Variants in BCAR3 observed in about 807,000 individuals in gnomAD.
The protein encoded by BCAR3 is breast cancer anti-estrogen resistance protein 3.
A neutral mutation model predicts 80.1 loss-of-function variants in BCAR3; 37 were observed. The observed-to-expected ratio is 0.46, with a 90% CI of 0.36 to 0.61. The LOEUF (loss-of-function observed/expected upper bound fraction) is 0.61. Among genes scored for constraint, BCAR3 ranks in the 20% least tolerant of loss-of-function variants. BCAR3 has a pLI of 0.00. For missense variants in BCAR3, 978 were observed against 1,068.2 expected (o/e 0.92, Z 1.18); for synonymous variants, 389 against 418.9 (o/e 0.93, Z 0.87).
chr1:93,702,005 T>C lies in BCAR3; in HGVS notation c.-12+4087A>G, dbSNP rs1051527898. 8.8e-4 allele frequency among the ~76,000 whole-genome samples: 133 copies of C among 151,810 alleles called. 3 individuals are homozygous for C. Among genetic ancestry groups the C allele is most frequent in the Admixed American group, 8.7e-3 (133 of 15,258 alleles). On this transcript the variant is annotated intron_variant, in intron 3 of 13. Coordinates refer to the BCAR3 transcript ENST00000370244. Reference sequence around the variant, plus strand: ...CCATCCAGGAGCCTGTGGCTTGGGGTGGGGTTGGGGGTGGACACAGTGTTC... The same window carrying C: ...CCATCCAGGAGCCTGTGGCTTGGGGCGGGGTTGGGGGTGGACACAGTGTTC...
At chr1:93,597,248 G>A (rs1483042088) in intron 3 of BCAR3, among the ~76,000 whole-genome samples, 1 of 152,180 alleles carries the variant, frequency 6.6e-6, no homozygotes. Flanking sequence ...TTAGCATTGG[G>A]GTCTGAGATG....
At chr1:93,663,054 GTC>G (rs1647738508) in intron 2 of BCAR3, among the ~76,000 whole-genome samples, 1 of 152,128 alleles carries the variant, frequency 6.6e-6, no homozygotes, top group Non-Finnish European at 1.5e-5. Context: ...TGGCATTAGA[GTC>G]TCTTGTCATG....
intron 3 of BCAR3, among the ~76,000 whole-genome samples, chr1:93,701,361 C>T (rs1248554046): frequency 1.3e-5 from 2 of 152,270 alleles, no homozygotes; most frequent in East Asian, 3.9e-4. Flanking sequence ...GGGCAGAGAC[C>T]GGCCACCCCA....
chr1:93,735,474 C>T (rs1238126825), intron 2 of BCAR3, among the ~76,000 whole-genome samples: 1 of 152,178 alleles, frequency 6.6e-6, no homozygotes, highest in African/African-American at 2.4e-5. Flanking sequence ...GAGACCACAT[C>T]CCATATTAAA....
chr1:93,643,684 C>T (rs573108950), intron 2 of BCAR3, among the ~76,000 whole-genome samples: 2 of 150,070 alleles, frequency 1.3e-5, no homozygotes, highest in South Asian at 4.2e-4. Context: ...GCAGCAGATA[C>T]GTAGGATGAA....
intron 2 of BCAR3, among the ~76,000 whole-genome samples, chr1:93,836,603 A>G (rs1571161567): frequency 6.7e-6 from 1 of 149,782 alleles, no homozygotes; most frequent in East Asian, 2.0e-4. Flanking sequence ...TCTCCATACC[A>G]CCCCCCAAAA....
intron 1 of BCAR3, 82 bp from the exon 2 acceptor site, chr1:93,675,023 A>G: frequency 8.8e-7 from 1 of 1,130,684 alleles, no homozygotes; most frequent in Non-Finnish European, 1.2e-6. Flanking sequence ...GGAAATGGAA[A>G]TATGCCACAT....
chr1:93,583,672 A>G (rs905292989), intron 6 of BCAR3, among the ~76,000 whole-genome samples: 13 of 152,158 alleles, frequency 8.5e-5, no homozygotes, highest in African/African-American at 3.1e-4. Flanking sequence ...CTCATTTGTC[A>G]TGAAGACTAC....
intron 2 of BCAR3, among the ~76,000 whole-genome samples, 172 bp from the exon 3 acceptor site, chr1:93,642,515 A>C (rs538235947): frequency 6.6e-6 from 1 of 152,270 alleles, no homozygotes; most frequent in African/African-American, 2.4e-5. Flanking sequence ...TACCACCATG[A>C]CCTCAGTCTA....
At chr1:93,777,414 TTCC>T (rs1285009044) in intron 2 of BCAR3, among the ~76,000 whole-genome samples, 8 of 113,164 alleles carry the variant, frequency 7.1e-5, no homozygotes, top group East Asian at 4.4e-4. Flanking sequence ...CCTCCTCCTC[TTCC>T]TCCTCCTCTT....
At chr1:93,646,674 C>T (rs1316401911) in intron 2 of BCAR3, 1 of 151,870 alleles carries the variant, frequency 6.6e-6, no homozygotes, top group Non-Finnish European at 1.5e-5. Context: ...ATAACATTTG[C>T]CATGAGGGTT....
chr1:93,661,466 G>A (rs971335263), intron 2 of BCAR3, among the ~76,000 whole-genome samples: 1 of 151,236 alleles, frequency 6.6e-6, no homozygotes, highest in Non-Finnish European at 1.5e-5. Context: ...ACAGGGGTGA[G>A]CCACCATACC....
At chr1:93,625,538 T>G (rs1675433121) in intron 3 of BCAR3, among the ~76,000 whole-genome samples, 1 of 152,214 alleles carries the variant, frequency 6.6e-6, no homozygotes, top group Non-Finnish European at 1.5e-5. Context: ...GTTTCCTTAT[T>G]TCTTCTGTAC....
intron 2 of BCAR3, among the ~76,000 whole-genome samples, chr1:93,782,875 A>G (rs1267976940): frequency 6.6e-6 from 1 of 152,230 alleles, no homozygotes; most frequent in Non-Finnish European, 1.5e-5. Flanking sequence ...TGAGAGGATA[A>G]GCCACAGACT....
At chr1:93,818,784 T>C (rs560702482) in intron 2 of BCAR3, among the ~76,000 whole-genome samples, 6 of 152,218 alleles carry the variant, frequency 3.9e-5, no homozygotes, top group East Asian at 1.9e-4. Flanking sequence ...GTAAGTGCTG[T>C]GTAGGAGAGT....
chr1:93,808,359 T>A (rs572814174), intron 2 of BCAR3, among the ~76,000 whole-genome samples: 13 of 152,292 alleles, frequency 8.5e-5, no homozygotes, highest in African/African-American at 2.9e-4. Flanking sequence ...CTATTTTGAG[T>A]AATATAGTAT....
intron 2 of BCAR3, among the ~76,000 whole-genome samples, chr1:93,651,674 C>T (rs2101920056): frequency 6.6e-6 from 1 of 152,260 alleles, no homozygotes; most frequent in East Asian, 1.9e-4. Flanking sequence ...TAGAGGCTCT[C>T]AGGAGTAATG....
intron 3 of BCAR3, among the ~76,000 whole-genome samples, chr1:93,639,932 T>C (rs1403550076): frequency 6.6e-6 from 1 of 152,132 alleles, no homozygotes; most frequent in African/African-American, 2.4e-5. Flanking sequence ...GGAGTCAAAA[T>C]GGATCCTAAA....
chr1:93,646,816 T>C (rs72721068), intron 2 of BCAR3, among the ~76,000 whole-genome samples: 2,039 of 152,310 alleles, frequency 0.013, 36 homozygotes, highest in Non-Finnish European at 0.018. Context: ...GCATAAGTTT[T>C]ATTACTTAAG....
Sources: allele counts gnomAD v4.1 joint callset (sites outside exome capture counted in the v4.1 genomes callset), GRCh38; gene constraint gnomAD v4.1.1; transcripts MANE v1.5; gene names NCBI Gene and HGNC (gene_info 2026-07-23, HGNC 2026-07-21).